NSD1: variants seen among roughly 807,000 people sequenced by gnomAD.
NSD1 encodes the protein histone-lysine N-methyltransferase, H3 lysine-36 specific.
A neutral mutation model predicts 242.7 loss-of-function variants in NSD1; 26 were observed. The ratio of observed to expected loss-of-function variants is 0.11; its 90% confidence interval spans 0.08 to 0.15. The LOEUF (loss-of-function observed/expected upper bound fraction) is 0.15, where lower values mean the gene tolerates loss of function less well. Ranked by LOEUF, NSD1 falls within the 10% of genes least tolerant of loss-of-function variation. The pLI is 1.00. For missense variants in NSD1, 2,495 were observed against 3,272.8 expected, an observed-to-expected ratio of 0.76 and a Z score of 5.80; for synonymous variants, 1,106 against 1,178.1, an observed-to-expected ratio of 0.94 and a Z score of 1.25.
intron 5 of NSD1, among the ~76,000 whole-genome samples, chr5:177,233,284 G>A (rs1245996334): frequency 6.6e-6 from 1 of 151,908 alleles, no homozygotes; most frequent in Non-Finnish European, 1.5e-5. Flanking sequence ...AACTGGGCTG[G>A]TATTGAATTC....
At chr5:177,242,670 G>A (rs1228548073) in intron 8 of NSD1, among the ~76,000 whole-genome samples, 1 of 152,070 alleles carries the variant, frequency 6.6e-6, no homozygotes, top group Non-Finnish European at 1.5e-5. Flanking sequence ...TGGGATTACA[G>A]GGATGTGCCA....
chr5:177,205,013 A>G (rs183558170), intron 4 of NSD1, among the ~76,000 whole-genome samples: 3 of 152,062 alleles, frequency 2.0e-5, no homozygotes, highest in African/African-American at 7.2e-5. Context: ...TCTGTTAATG[A>G]GAATAATGTG....
intron 2 of NSD1, among the ~76,000 whole-genome samples, chr5:177,143,696 C>G (rs1757002620): frequency 6.6e-6 from 1 of 151,994 alleles, no homozygotes; most frequent in Non-Finnish European, 1.5e-5. Flanking sequence ...GAAGAAGTCC[C>G]TTAATGTCTC....
chr5:177,174,084 A>AGGCCGGGCGCT (rs1423106054), intron 2 of NSD1, among the ~76,000 whole-genome samples: 2 of 151,968 alleles, frequency 1.3e-5, no homozygotes, highest in African/African-American at 2.4e-5. Flanking sequence ...GAGGTTAAAA[A>AGGCCGGGCGCT]GGCCGGGCGC....
Position 177,226,924 on chromosome 5 carries a change from C to G in NSD1, c.3797-8897C>G, listed in dbSNP as rs370864818. Among the ~76,000 whole-genome samples the G allele has an allele frequency of 3.7e-4, 56 of 152,214 alleles. 2 individuals are homozygous for G. The East Asian group carries it at 5.2e-3, about 14-fold the overall frequency. ...AATTTACTTTGGTTGTTTGGAATTT[C>G]CAATGGTTTTTTATTTTACAGAGTC... On this transcript the variant is annotated intron_variant, in intron 5 of 22. Transcript: ENST00000439151.
chr5:177,298,659 C>T lies in NSD1; in HGVS notation c.*3200C>T. ...TTTATTCTTTACATCCTTCACCCCACACTATGGTCAGGGCATGAAACACCC... is the reference window on the plus strand; with the variant it reads ...TTTATTCTTTACATCCTTCACCCCATACTATGGTCAGGGCATGAAACACCC... On this transcript the variant is annotated 3_prime_UTR_variant, in exon 23 of 23. Coordinates refer to ENST00000439151, the MANE Select transcript of NSD1 (RefSeq NM_022455.5). The T allele has an allele frequency of 4.3e-6, 1 of 233,310 alleles. No homozygotes were observed. Among genetic ancestry groups the T allele is most frequent in the East Asian group, 6.0e-5 (1 of 16,602 alleles). 14.5% of individuals were successfully genotyped at this position (233,310 alleles called of 1,614,324 possible).
chr5:177,158,293 C>CTTTCTTTCTTTCTTTCTTTCTTTTCT (rs1758350204), intron 2 of NSD1, among the ~76,000 whole-genome samples: 5 of 77,674 alleles, frequency 6.4e-5, no homozygotes, highest in African/African-American at 1.9e-4. Flanking sequence ...TTCTTTCTTT[C>CTTTCTTTCTTTCTTTCTTTCTTTTCT]TTTCTTTCTT....
intron 13 of NSD1, among the ~76,000 whole-genome samples, chr5:177,259,629 C>T (rs944372893): frequency 6.6e-6 from 1 of 152,148 alleles, no homozygotes; most frequent in Non-Finnish European, 1.5e-5. Context: ...GAGGTTCGTT[C>T]ACTTGAAAGG....
At chr5:177,179,559 A>G (rs747568535) in intron 2 of NSD1, among the ~76,000 whole-genome samples, 35 of 152,218 alleles carry the variant, frequency 2.3e-4, no homozygotes, top group Non-Finnish European at 4.3e-4. Context: ...AATCATACAC[A>G]GAGCACAAGT....
At chr5:177,260,339 C>CTTTTTTTTTTTT (rs1174250871) in intron 14 of NSD1, among the ~76,000 whole-genome samples, 171 bp downstream of exon 14, 2 of 85,836 alleles carry the variant, frequency 2.3e-5, no homozygotes, top group Non-Finnish European at 4.3e-5. Context: ...CATAGCAGAA[C>CTTTTTTTTTTTT]TTTTTTTTTT....
At chr5:177,234,639 C>A (rs565285672) in intron 5 of NSD1, among the ~76,000 whole-genome samples, 1 of 152,120 alleles carries the variant, frequency 6.6e-6, no homozygotes, top group Non-Finnish European at 1.5e-5. Context: ...TCGCTTGATC[C>A]TGGAAGGTGA....
chr5:177,264,028 A>ATTTTTTTTTTTTTTTTTTTTTTT lies in NSD1; in HGVS notation c.5147-3530_5147-3508dup, dbSNP rs61538775. Among the ~76,000 whole-genome samples, 97 of 76,384 alleles carry ATTTTTTTTTTTTTTTTTTTTTTT rather than the reference A, an allele frequency of 1.3e-3. 21 individuals are homozygous for ATTTTTTTTTTTTTTTTTTTTTTT. Among genetic ancestry groups the ATTTTTTTTTTTTTTTTTTTTTTT allele is most frequent in the Non-Finnish European group, 1.8e-3 (73 of 40,754 alleles). The allele number at this position is 76,384 out of a possible 152,430, so 50.1% of individuals were successfully genotyped here. A position where few individuals can be genotyped will look rare whatever the true frequency, so the allele number is the denominator to read the frequency against. ...AAGATGCATATGACTCAATGAACCAATTTTTTTTTTTTTTTTTTTTTTTTT... is the reference window on the plus strand; with the variant it reads ...AAGATGCATATGACTCAATGAACCAATTTTTTTTTTTTTTTTTTTTTTTTTTTTTTTTTTTTTTTTTTTTTTTT... On this transcript the variant is annotated intron_variant, in intron 14 of 22. Coordinates refer to ENST00000439151, the MANE Select transcript of NSD1 (RefSeq NM_022455.5).
intron 2 of NSD1, among the ~76,000 whole-genome samples, chr5:177,190,606 A>T (rs1761583982): frequency 6.6e-6 from 1 of 151,668 alleles, no homozygotes; most frequent in Non-Finnish European, 1.5e-5. Context: ...AGCTTTTTAA[A>T]AGAAAGTAAG....
intron 20 of NSD1, among the ~76,000 whole-genome samples, chr5:177,285,293 A>G (rs1044426458): frequency 5.0e-4 from 76 of 152,212 alleles, no homozygotes; most frequent in African/African-American, 1.8e-3. Context: ...GCTGGGCGCG[A>G]TGGTTCACGC....
At chr5:177,158,293 C>CTCTCTTTCT (rs1758346820) in intron 2 of NSD1, among the ~76,000 whole-genome samples, 1 of 77,674 alleles carries the variant, frequency 1.3e-5, no homozygotes, top group Admixed American at 1.5e-4. Flanking sequence ...TTCTTTCTTT[C>CTCTCTTTCT]TTTCTTTCTT....
At chr5:177,216,168 C>T (rs553344218) in intron 5 of NSD1, among the ~76,000 whole-genome samples, 82 of 152,268 alleles carry the variant, frequency 5.4e-4, no homozygotes, top group African/African-American at 1.2e-3. Flanking sequence ...TATCCCTTTG[C>T]ATATTTTTAA....
At chr5:177,278,168 C>G (rs1581520096) in intron 17 of NSD1, among the ~76,000 whole-genome samples, 3 of 152,218 alleles carry the variant, frequency 2.0e-5, no homozygotes, top group Admixed American at 2.0e-4. Flanking sequence ...CATCCATTTT[C>G]CCCACGGACA....
At position 177,221,735 on chromosome 5, in the gene NSD1, C is replaced by T. The variant is rs534144765; in HGVS notation, c.3796+9540C>T. Among the ~76,000 whole-genome samples, 5 of 152,134 alleles carry T rather than the reference C, an allele frequency of 3.3e-5. No individual in the cohort carries two copies. In the South Asian group the frequency reaches 1.0e-3, roughly 32 times the overall value. ...CCGTCCATGTTAGCTTCCCAAAGTG[C>T]TGGGATTACAAGCATTAGCCACTGC... On this transcript the variant is annotated intron_variant, in intron 5 of 22. Coordinates refer to ENST00000439151, the MANE Select transcript of NSD1 (RefSeq NM_022455.5).
intron 17 of NSD1, among the ~76,000 whole-genome samples, chr5:177,276,262 C>T (rs1758371598): frequency 6.6e-6 from 1 of 151,758 alleles, no homozygotes; most frequent in South Asian, 2.1e-4. Context: ...AGTATATTTT[C>T]TTTTTGAACT....
Sources: allele counts gnomAD v4.1 joint callset (sites outside exome capture counted in the v4.1 genomes callset), GRCh38; gene constraint gnomAD v4.1.1; transcripts MANE v1.5; gene names NCBI Gene and HGNC (gene_info 2026-07-23, HGNC 2026-07-21).